Variants in ACTN2 observed in about 807,000 individuals in gnomAD.
ACTN2 encodes actinin alpha 2.
In ACTN2, 39 loss-of-function variants were observed where a neutral mutation model predicts 113.8. That is an observed-to-expected ratio of 0.34 (90% CI 0.27 to 0.45). The LOEUF (loss-of-function observed/expected upper bound fraction) is 0.45. Among genes scored for constraint, ACTN2 ranks in the 20% least tolerant of loss-of-function variants. The pLI, the probability that ACTN2 is intolerant of heterozygous loss-of-function variation, is 1.00. For synonymous variants in ACTN2, 429 were observed against 444.1 expected, an observed-to-expected ratio of 0.97 and a Z score of 0.43; for missense variants, 992 against 1,177.9, an observed-to-expected ratio of 0.84 and a Z score of 2.31.
chr1:236,736,478 G>A (rs544133017), intron 8 of ACTN2: 62 of 866,198 alleles, frequency 7.2e-5, no homozygotes, highest in Admixed American at 6.9e-4. Context: ...GGTTCAAGGC[G>A]CTTTGCCACT....
intron 1 of ACTN2, among the ~76,000 whole-genome samples, chr1:236,711,484 G>C (rs1024289254): frequency 4.6e-5 from 7 of 152,190 alleles, no homozygotes; most frequent in African/African-American, 1.4e-4. Flanking sequence ...GAGTAGCTGA[G>C]ATTACAGGCA....
intron 6 of ACTN2, among the ~76,000 whole-genome samples, chr1:236,730,595 T>C (rs963291996): frequency 6.6e-6 from 1 of 152,246 alleles, no homozygotes; most frequent in Non-Finnish European, 1.5e-5. Flanking sequence ...ATTTTAGTTA[T>C]ATACCTCTGG....
At chr1:236,747,191 A>G (rs1460881712) in intron 12 of ACTN2, among the ~76,000 whole-genome samples, 1 of 152,164 alleles carries the variant, frequency 6.6e-6, no homozygotes, top group African/African-American at 2.4e-5. Context: ...TAAGAAGACA[A>G]CGGTTCTCTC....
At position 236,727,046 on chromosome 1, in the gene ACTN2, G is replaced by A. The variant is rs192171419; in HGVS notation, c.537-632G>A. Among the ~76,000 whole-genome samples the A allele has an allele frequency of 1.7e-3, 261 of 152,264 alleles. 1 individual carries two copies. Among genetic ancestry groups the A allele is most frequent in the African/African-American group, 5.8e-3 (240 of 41,548 alleles). The stretch of plus-strand genomic sequence containing the variant: ...CTCTGCTGTCACTGAACCCGCTGTC[G>A]CCAGCAAGCTCTGGCCTGCCCTTGT... On this transcript the variant is annotated intron_variant, in intron 5 of 20. Coordinates refer to ENST00000366578, the MANE Select transcript of ACTN2 (RefSeq NM_001103.4).
At chr1:236,712,680 C>T (rs1371182368) in intron 1 of ACTN2, among the ~76,000 whole-genome samples, 1 of 152,064 alleles carries the variant, frequency 6.6e-6, no homozygotes, top group Admixed American at 6.5e-5. Context: ...AACAAACAAA[C>T]AAAAAACAGG....
chr1:236,708,759 G>A (rs1384267287), intron 1 of ACTN2, among the ~76,000 whole-genome samples: 7 of 152,278 alleles, frequency 4.6e-5, no homozygotes, highest in African/African-American at 1.7e-4. Flanking sequence ...TCTGCTCCAC[G>A]CAGATTGCAG....
At chr1:236,707,739 T>A (rs1404957244) in intron 1 of ACTN2, among the ~76,000 whole-genome samples, 1 of 130,702 alleles carries the variant, frequency 7.7e-6, no homozygotes, top group Non-Finnish European at 1.6e-5. Flanking sequence ...TGAGATGGAG[T>A]CTCACTCTGT....
chr1:236,697,777 T>C (rs976296382), intron 1 of ACTN2, among the ~76,000 whole-genome samples: 3 of 151,188 alleles, frequency 2.0e-5, no homozygotes, highest in Admixed American at 6.6e-5. Context: ...TTTTTTTTTT[T>C]TGGAGACAGA....
intron 8 of ACTN2, chr1:236,736,562 G>A (rs866318537): frequency 6.6e-7 from 1 of 1,523,806 alleles, no homozygotes; most frequent in Non-Finnish European, 8.8e-7. Flanking sequence ...ATCTAGGTTA[G>A]ACAAAGTCTT....
chr1:236,758,809 C>T (rs1659624439), intron 18 of ACTN2, among the ~76,000 whole-genome samples: 1 of 151,920 alleles, frequency 6.6e-6, no homozygotes, highest in South Asian at 2.1e-4. Flanking sequence ...TTACTAGAAA[C>T]AGGGTTTTAC....
chr1:236,726,067 G>A (rs967985899), intron 5 of ACTN2, 47 bp downstream of exon 5: 3 of 1,511,804 alleles, frequency 2.0e-6, no homozygotes, highest in Non-Finnish European at 2.8e-6. Flanking sequence ...TGGAATCTGT[G>A]GGTAGCATGG....
intron 11 of ACTN2, among the ~76,000 whole-genome samples, chr1:236,744,276 C>G (rs1409011193): frequency 6.6e-6 from 1 of 152,160 alleles, no homozygotes; most frequent in African/African-American, 2.4e-5. Context: ...CCTGGTAGCT[C>G]TTGGGAGTGA....
intron 1 of ACTN2, among the ~76,000 whole-genome samples, chr1:236,696,308 ACT>A (rs1227854137): frequency 1.7e-5 from 2 of 114,848 alleles, no homozygotes; most frequent in Admixed American, 9.6e-5. Context: ...ACAGAAGAAG[ACT>A]CTGTCTCAAA....
intron 1 of ACTN2, among the ~76,000 whole-genome samples, chr1:236,701,026 T>G (rs1330568768): frequency 2.0e-5 from 3 of 152,198 alleles, no homozygotes; most frequent in Non-Finnish European, 4.4e-5. Flanking sequence ...TGAAATGAAC[T>G]GACACCAAGG....
intron 18 of ACTN2, 134 bp downstream of exon 18, chr1:236,757,766 G>C (rs1659593257): frequency 3.2e-6 from 4 of 1,249,266 alleles, no homozygotes; most frequent in Non-Finnish European, 4.6e-6. Flanking sequence ...AATGACAAAA[G>C]AAAATAGCCA....
At chr1:236,718,812 T>C (rs758451064) in intron 2 of ACTN2, 82 bp from the exon 3 acceptor site, 820 of 1,594,952 alleles carry the variant, frequency 5.1e-4, no homozygotes, top group Non-Finnish European at 6.1e-4. Flanking sequence ...AAGGAAAAGA[T>C]GGATGCTTAG....
At chr1:236,733,804 C>A (rs1658783274) in intron 7 of ACTN2, among the ~76,000 whole-genome samples, 1 of 152,162 alleles carries the variant, frequency 6.6e-6, no homozygotes, top group Non-Finnish European at 1.5e-5. Flanking sequence ...CGTCTGCTGC[C>A]ATGGACCTTA....
At chr1:236,753,316 T>G (rs1204943246) in intron 15 of ACTN2, among the ~76,000 whole-genome samples, 1 of 152,248 alleles carries the variant, frequency 6.6e-6, no homozygotes, top group African/African-American at 2.4e-5. Flanking sequence ...ATGTATATGC[T>G]TCTTTACTAA....
At chr1:236,751,847 G>T (rs1659404910) in intron 15 of ACTN2, among the ~76,000 whole-genome samples, 195 bp downstream of exon 15, 1 of 152,140 alleles carries the variant, frequency 6.6e-6, no homozygotes, top group South Asian at 2.1e-4. Flanking sequence ...CAGTTTGTGG[G>T]GAAAGAAAGC....
Sources: allele counts gnomAD v4.1 joint callset (sites outside exome capture counted in the v4.1 genomes callset), GRCh38; gene constraint gnomAD v4.1.1; transcripts MANE v1.5; gene names NCBI Gene and HGNC (gene_info 2026-07-23, HGNC 2026-07-21).